The following PIP5K1C variants were observed in gnomAD, a reference collection of about 807,000 sequenced individuals.
PIP5K1C encodes the protein phosphatidylinositol 4-phosphate 5-kinase type-1 gamma.
In PIP5K1C, 45 loss-of-function variants were observed where a neutral mutation model predicts 80.1. The ratio of observed to expected loss-of-function variants is 0.56; its 90% confidence interval spans 0.44 to 0.72. The LOEUF (loss-of-function observed/expected upper bound fraction) is 0.72. PIP5K1C is among the 30% of genes least tolerant of loss of function. PIP5K1C has a pLI of 0.00. For missense variants in PIP5K1C, 753 were observed against 954.6 expected (o/e 0.79, Z 2.78); for synonymous variants, 498 against 420.1 (o/e 1.19, Z -2.27).
Position 3,648,522 on chromosome 19 carries a change from G to A in PIP5K1C, c.1211+103C>T. 1 of 430,038 alleles carries A rather than the reference G, an allele frequency of 2.3e-6. No individual in the cohort carries two copies. 26.6% of individuals were successfully genotyped at this position (430,038 alleles called of 1,614,324 possible). ...GACCCAGGCGCCCACCTGTGGGGCT[G>A]CAGACCCGGGCGCCCACCTGTGGGG... On this transcript the variant is annotated intron_variant, in intron 9 of 17. Coordinates refer to ENST00000335312, the MANE Select transcript of PIP5K1C (RefSeq NM_012398.3). The surrounding 1 kb of genome is among the most constrained non-coding windows in gnomAD (Gnocchi z 4.3).
chr19:3,666,043 C>A (rs2145503158), intron 2 of PIP5K1C, among the ~76,000 whole-genome samples: 1 of 152,288 alleles, frequency 6.6e-6, no homozygotes, highest in South Asian at 2.1e-4. Context: ...CAGGCTCTCC[C>A]CAGGAATTCA....
chr19:3,664,779 C>T (rs200274168), intron 3 of PIP5K1C, 43 bp downstream of exon 3: 227 of 1,499,066 alleles, frequency 1.5e-4, no homozygotes, highest in Admixed American at 1.5e-4. Flanking sequence ...CTCCCCTCTG[C>T]TCTGTCCCGC....
intron 1 of PIP5K1C, among the ~76,000 whole-genome samples, chr19:3,677,353 C>G (rs2035391583): frequency 6.6e-6 from 1 of 152,146 alleles, no homozygotes; most frequent in Admixed American, 6.5e-5. Flanking sequence ...GAGGCCGAGG[C>G]AGGCGGGTCA....
At chr19:3,651,678 C>T in intron 8 of PIP5K1C, 148 bp downstream of exon 8, 1 of 820,176 alleles carries the variant, frequency 1.2e-6, no homozygotes, top group Non-Finnish European at 2.0e-6. Context: ...CTCTGAGGCG[C>T]TGGCACAAGG....
In PIP5K1C at chr19:3,656,446, C is replaced by T. The variant is rs1446407327; in HGVS notation, c.580G>A (p.Glu194Lys). The change falls in exon 6 of 18, where the codon GAG becomes AAG. Residue 194 changes from glutamate to lysine, a missense_variant. Coordinates refer to ENST00000335312, the MANE Select transcript of PIP5K1C (RefSeq NM_012398.3). ...EFIIKTVMHKEAEFLQKLLPG... is the reference protein window; with the variant it reads ...EFIIKTVMHKKAEFLQKLLPG... Reference sequence around the variant, plus strand: ...AGCAGCTTCTGCAGGAACTCGGCCTCCTTGTGCATGACGGTCTTGATGATG... The same window carrying T: ...AGCAGCTTCTGCAGGAACTCGGCCTTCTTGTGCATGACGGTCTTGATGATG... 6.2e-7 allele frequency: 1 copy of T among 1,613,528 alleles called. No individual in the cohort carries two copies. The highest frequency in any genetic ancestry group is 8.5e-7 in the Non-Finnish European group (1 of 1,180,040).
intron 17 of PIP5K1C, 69 bp downstream of exon 17, chr19:3,633,368 A>G (rs1309429172): frequency 4.8e-6 from 6 of 1,241,902 alleles, no homozygotes; most frequent in Admixed American, 2.7e-5. Context: ...CTATCCCAGT[A>G]GCTGGGGACC....
rs988038240 is a variant in PIP5K1C, at chr19:3,696,242, T to C, written c.94+4055A>G. 8.5e-5 allele frequency among the ~76,000 whole-genome samples: 13 copies of C among 152,166 alleles called. No homozygotes were observed. Among genetic ancestry groups the C allele is most frequent in the Non-Finnish European group, 1.5e-5 (1 of 68,026 alleles). On this transcript the variant is annotated intron_variant, in intron 1 of 17. Coordinates refer to ENST00000335312, the MANE Select transcript of PIP5K1C (RefSeq NM_012398.3). The surrounding 1 kb of genome is among the most constrained non-coding windows in gnomAD (Gnocchi z 4.1). Reference sequence around the variant, plus strand: ...CCTTCCCAGCCACCCCATTCTACCTTACCCTTCCTCCCTGGCACTGCTGGC... The same window carrying C: ...CCTTCCCAGCCACCCCATTCTACCTCACCCTTCCTCCCTGGCACTGCTGGC...
chr19:3,650,649 G>T, intron 8 of PIP5K1C, among the ~76,000 whole-genome samples: 1 of 152,250 alleles, frequency 6.6e-6, no homozygotes, highest in Non-Finnish European at 1.5e-5. Flanking sequence ...AGCCCTGTGA[G>T]GGCAGGGCCT....
chr19:3,640,680 C>A (rs917773571), intron 15 of PIP5K1C, among the ~76,000 whole-genome samples: 2 of 151,590 alleles, frequency 1.3e-5, no homozygotes, highest in Non-Finnish European at 2.9e-5. Context: ...GTGGGCAGAT[C>A]ACTCGAGGTC....
At chr19:3,636,449 C>T in intron 16 of PIP5K1C, 2 of 985,472 alleles carry the variant, frequency 2.0e-6, no homozygotes, top group Non-Finnish European at 1.2e-6. Context: ...TCTGCCCCTT[C>T]AAGTCAGGTG....
At chr19:3,654,363 C>G (rs750518687) in intron 6 of PIP5K1C, among the ~76,000 whole-genome samples, 2 of 152,214 alleles carry the variant, frequency 1.3e-5, no homozygotes, top group Non-Finnish European at 2.9e-5. Flanking sequence ...GGGAAGCTGC[C>G]CAGGTGTCGG....
intron 6 of PIP5K1C, among the ~76,000 whole-genome samples, chr19:3,654,633 T>A (rs2034559322): frequency 6.6e-6 from 1 of 151,272 alleles, no homozygotes; most frequent in South Asian, 2.1e-4. Context: ...CTGGCCAACA[T>A]GGTGAAACCC....
At chr19:3,687,609 A>G (rs938866277) in intron 1 of PIP5K1C, among the ~76,000 whole-genome samples, 11 of 151,736 alleles carry the variant, frequency 7.2e-5, no homozygotes, top group Non-Finnish European at 1.3e-4. Flanking sequence ...GCATACACGC[A>G]CACACACGCA....
In PIP5K1C at chr19:3,633,608, G is replaced by A. The variant is rs2033545156; in HGVS notation, c.1921-88C>T. On this transcript the variant is annotated intron_variant, in intron 16 of 17. Coordinates refer to ENST00000335312, the MANE Select transcript of PIP5K1C (RefSeq NM_012398.3). The stretch of plus-strand genomic sequence containing the variant: ...GGCAGAGGGAGGAAGGAAGAGACAG[G>A]AGAACATAAAAGAGGCGAATCCCCC... 3 of 918,402 alleles carry A rather than the reference G, an allele frequency of 3.3e-6. 1 individual carries two copies. Among genetic ancestry groups the A allele is most frequent in the South Asian group, 6.3e-5 (2 of 31,762 alleles). 56.9% of individuals were successfully genotyped at this position (918,402 alleles called of 1,614,324 possible).
rs202192313 is a variant in PIP5K1C at position 3,688,656 on chromosome 19, G to C, written c.94+11641C>G. On this transcript the variant is annotated intron_variant, in intron 1 of 17. Coordinates refer to ENST00000335312, the MANE Select transcript of PIP5K1C (RefSeq NM_012398.3). This position sits in a 1 kb window ranked among gnomAD's most constrained non-coding sequence, Gnocchi z 5.3. ...TCCTCAGGTGGTTTCGTGTCCCTCA[G>C]GGCTAGAGACCCGGATGAGCCCCAT... is the stretch of plus-strand genomic sequence containing the variant. Among the ~76,000 whole-genome samples the C allele has an allele frequency of 2.0e-4, 31 of 152,278 alleles. 1 individual carries two copies. In the East Asian group the frequency reaches 4.6e-3, roughly 23 times the overall value.
Position 3,653,394 on chromosome 19 carries a change from G to C in PIP5K1C, c.817C>G (p.Pro273Ala). 6.2e-7 allele frequency: 1 copy of C among 1,613,056 alleles called. No individual in the cohort carries two copies. The highest frequency in any genetic ancestry group is 1.3e-5 in the African/African-American group (1 of 75,062). ...ATGAAGTCCAGGTCCTTGTAGGTGG[G>C]GAAGCTCTTCTCCTTCTCCTTCTTG... The part of the protein sequence containing the change: ...ASKKEKEKSF[P>A]TYKDLDFMQD... The change falls in exon 7 of 18, where the codon CCC (proline) becomes GCC (alanine). Residue 273 changes from proline to alanine, a missense_variant. This residue lies in a region of PIP5K1C where 105 missense variants were observed against 133.4 expected (regional missense o/e 0.79). Coordinates refer to ENST00000335312, the MANE Select transcript of PIP5K1C (RefSeq NM_012398.3).
chr19:3,649,926 C>T, intron 8 of PIP5K1C: 1 of 264,462 alleles, frequency 3.8e-6, no homozygotes, highest in Non-Finnish European at 7.4e-6. Flanking sequence ...CATCCTGAAG[C>T]CACTGGGACC....
chr19:3,659,025 C>T (rs975349115), intron 5 of PIP5K1C, among the ~76,000 whole-genome samples: 3 of 152,202 alleles, frequency 2.0e-5, no homozygotes, highest in South Asian at 2.1e-4. Context: ...ATCCCACCTC[C>T]GCCTTCTCCT....
chr19:3,643,373 C>T lies in PIP5K1C; in HGVS notation c.1519G>A (p.Asp507Asn). 1.2e-6 allele frequency: 2 copies of T among 1,613,458 alleles called. No individual in the cohort carries two copies. Among genetic ancestry groups the T allele is most frequent in the Non-Finnish European group, 1.7e-6 (2 of 1,179,880 alleles). Residue 507 changes from aspartate to asparagine, a missense_variant, in exon 13 of 18, where the codon GAC (aspartate) becomes AAC (asparagine). Transcript: ENST00000335312. ...GAAGGTGGCGTGCAGGGCAGGAGGTCGGGCCGGCCTGAGGGGAGAGGACTG... is the reference window on the plus strand; with the variant it reads ...GAAGGTGGCGTGCAGGGCAGGAGGTTGGGCCGGCCTGAGGGGAGAGGACTG... ...YPTLEDEGRPDLLPCTPPSFE... is the reference protein window; with the variant it reads ...YPTLEDEGRPNLLPCTPPSFE...
Sources: gnomAD v4.1 joint callset for allele counts (sites outside exome capture counted in the v4.1 genomes callset) on GRCh38, gnomAD v4.1.1 for gene constraint, gnomAD v4.1.1 regional missense constraint, Gnocchi (gnomAD v3.1) non-coding constraint, MANE v1.5 for transcripts, NCBI Gene and HGNC (gene_info 2026-07-23, HGNC 2026-07-21) for gene names.